FOXP1: variants seen among roughly 807,000 people sequenced by gnomAD.
FOXP1 encodes forkhead box protein P1.
Under a neutral mutation model 98.2 loss-of-function variants are expected in FOXP1, and 15 were observed. That is an observed-to-expected ratio of 0.15 (90% confidence interval 0.10 to 0.24). FOXP1 has a LOEUF of 0.24. Ranked by LOEUF, FOXP1 falls within the 10% of genes least tolerant of loss-of-function variation. The pLI, the probability that FOXP1 is intolerant of heterozygous loss-of-function variation, is 1.00. For synonymous variants in FOXP1, 371 were observed against 314.5 expected (o/e 1.18, Z -1.90); for missense variants, 633 against 848.5 (o/e 0.75, Z 3.15).
intron 7 of FOXP1, among the ~76,000 whole-genome samples, chr3:71,060,721 G>A (rs939518751): frequency 2.0e-5 from 3 of 152,084 alleles, no homozygotes; most frequent in Admixed American, 6.5e-5. Context: ...CACAGAAGCC[G>A]ACCTTTTTGA....
chr3:71,300,348 T>C (rs2073740270), intron 4 of FOXP1, among the ~76,000 whole-genome samples: 1 of 152,204 alleles, frequency 6.6e-6, no homozygotes, highest in African/African-American at 2.4e-5. Context: ...TTCGGACCTT[T>C]CAAAATGAAT....
At chr3:70,978,340 T>G (rs996504477) in intron 14 of FOXP1, among the ~76,000 whole-genome samples, 1 of 150,228 alleles carries the variant, frequency 6.7e-6, no homozygotes, top group South Asian at 2.1e-4. Context: ...TTGTGATGTC[T>G]CACCTATAGG....
intron 3 of FOXP1, among the ~76,000 whole-genome samples, chr3:71,426,480 C>T (rs753088244): frequency 1.3e-5 from 2 of 152,090 alleles, no homozygotes; most frequent in African/African-American, 2.4e-5. Flanking sequence ...GGAATGAATG[C>T]ACAGGATAAG....
intron 12 of FOXP1, among the ~76,000 whole-genome samples, chr3:71,009,956 A>T (rs1009248339): frequency 1.4e-5 from 2 of 140,816 alleles, no homozygotes; most frequent in African/African-American, 5.4e-5. Flanking sequence ...GGGTCTTGCT[A>T]TGTTGACCTG....
At chr3:71,238,450 G>A (rs1477958019) in intron 5 of FOXP1, among the ~76,000 whole-genome samples, 3 of 152,152 alleles carry the variant, frequency 2.0e-5, no homozygotes, top group Non-Finnish European at 4.4e-5. Flanking sequence ...GTGTGTGTGT[G>A]TGTCTACAAG....
chr3:71,436,219 C>T (rs1577499320), intron 3 of FOXP1, among the ~76,000 whole-genome samples: 1 of 152,040 alleles, frequency 6.6e-6, no homozygotes, highest in East Asian at 1.9e-4. Flanking sequence ...CCCCTGCCAC[C>T]TCCAAAGCAG....
At chr3:71,241,757 C>T (rs565301159) in intron 5 of FOXP1, among the ~76,000 whole-genome samples, 4 of 152,264 alleles carry the variant, frequency 2.6e-5, no homozygotes, top group East Asian at 3.9e-4. Context: ...TCCATAATAA[C>T]GGCATCATCA....
At chr3:71,216,450 G>A (rs576872805) in intron 5 of FOXP1, among the ~76,000 whole-genome samples, 2 of 152,286 alleles carry the variant, frequency 1.3e-5, no homozygotes, top group Admixed American at 6.5e-5. Flanking sequence ...CAGAATGGTT[G>A]ATTTGAATGG....
chr3:71,224,945 TTGAATGAG>T (rs2065715634), intron 5 of FOXP1, among the ~76,000 whole-genome samples: 1 of 152,140 alleles, frequency 6.6e-6, no homozygotes, highest in Non-Finnish European at 1.5e-5. Context: ...AGTCAATATT[TTGAATGAG>T]TGAATGAGTG....
chr3:71,216,898 G>A (rs1181031826), intron 5 of FOXP1, among the ~76,000 whole-genome samples: 2 of 152,098 alleles, frequency 1.3e-5, no homozygotes, highest in Non-Finnish European at 2.9e-5. Flanking sequence ...TGGAGGAGGG[G>A]GCTTGTGCCA....
At position 71,243,134 on chromosome 3, in the gene FOXP1, A is replaced by C. The variant is rs1419480186; in HGVS notation, c.-11-44742T>G. On this transcript the variant is annotated intron_variant, in intron 5 of 20. Coordinates refer to ENST00000649528, the MANE Select transcript of FOXP1 (RefSeq NM_001349338.3). ...CCTCCATGGCCCCAAAGTAAAAATA[A>C]ACCTCTCTAAAAGCACAGACTACAG... is the stretch of plus-strand genomic sequence containing the variant. Among the ~76,000 whole-genome samples, 3 of 152,170 alleles carry C rather than the reference A, an allele frequency of 2.0e-5. No individual in the cohort carries two copies. The East Asian group carries it at 5.8e-4, about 29-fold the overall frequency.
At chr3:71,191,349 C>T (rs577496295) in intron 6 of FOXP1, among the ~76,000 whole-genome samples, 9 of 152,234 alleles carry the variant, frequency 5.9e-5, no homozygotes, top group Admixed American at 3.3e-4. Flanking sequence ...AGAGATAGGG[C>T]GTTCTTTTTT....
At chr3:71,357,957 A>G (rs1375566659) in intron 4 of FOXP1, among the ~76,000 whole-genome samples, 2 of 152,224 alleles carry the variant, frequency 1.3e-5, no homozygotes, top group Non-Finnish European at 2.9e-5. Flanking sequence ...CTGAGGGAAA[A>G]AAAAAACTAG....
At chr3:71,064,441 T>C (rs1238099089) in intron 7 of FOXP1, among the ~76,000 whole-genome samples, 1 of 151,032 alleles carries the variant, frequency 6.6e-6, no homozygotes, top group African/African-American at 2.4e-5. Flanking sequence ...CGGCAGAAAA[T>C]GAATCGCAAA....
At chr3:71,416,544 C>G (rs2108302062) in intron 3 of FOXP1, among the ~76,000 whole-genome samples, 1 of 121,216 alleles carries the variant, frequency 8.2e-6, no homozygotes, top group East Asian at 2.6e-4. Context: ...AACTCTGTCT[C>G]AAAACACACA....
Position 71,581,056 on chromosome 3 carries a change from G to C in FOXP1, c.-298+493C>G, listed in dbSNP as rs892912349. The C allele has an allele frequency of 8.3e-6, 8 of 968,244 alleles. No homozygotes were observed. In the African/African-American group the frequency reaches 1.1e-4, roughly 13 times the overall value. 60.0% of individuals were successfully genotyped at this position (968,244 alleles called of 1,614,324 possible). ...TATTCTGCCCAAGCCTCACAGATGA[G>C]GGCTTGTGGGGTGGGGAGGTAGGGA... On this transcript the variant is annotated intron_variant, in intron 2 of 20. Transcript: ENST00000649528.
intron 3 of FOXP1, among the ~76,000 whole-genome samples, chr3:71,441,274 G>C (rs932760835): frequency 2.6e-5 from 4 of 152,232 alleles, no homozygotes; most frequent in African/African-American, 9.6e-5. Flanking sequence ...CATACATGTG[G>C]AAATGTCTGG....
intron 17 of FOXP1, 44 bp downstream of exon 17, chr3:70,976,897 A>T (rs763653285): frequency 1.5e-5 from 20 of 1,375,788 alleles, no homozygotes; most frequent in Non-Finnish European, 1.9e-5. Context: ...AAACTGTTCT[A>T]TGAACGTCAA....
intron 6 of FOXP1, among the ~76,000 whole-genome samples, chr3:71,135,050 A>T (rs1054124522): frequency 6.6e-6 from 1 of 151,932 alleles, no homozygotes; most frequent in Admixed American, 6.6e-5. Flanking sequence ...CGAGGTCAAA[A>T]GAGATCGAGA....
Sources: allele counts gnomAD v4.1 joint callset (sites outside exome capture counted in the v4.1 genomes callset), GRCh38; gene constraint gnomAD v4.1.1; transcripts MANE v1.5; gene names NCBI Gene and HGNC (gene_info 2026-07-23, HGNC 2026-07-21).